NBPF12: variants seen among roughly 807,000 people sequenced by gnomAD.
NBPF12 encodes NBPF family member NBPF12.
NBPF12 carries 115 observed loss-of-function variants against 146.4 expected under a neutral mutation model. That is an observed-to-expected ratio of 0.79 (90% CI 0.68 to 0.92). NBPF12 has a LOEUF of 0.92. NBPF12 is among the 40% of genes least tolerant of loss of function. The pLI is 0.00. For synonymous variants in NBPF12, 385 were observed against 508.9 expected (o/e 0.76, Z 3.28); for missense variants, 1,205 against 1,326.8 (o/e 0.91, Z 1.43).
At chr1:146,944,038 G>C (rs1654915670) in intron 2 of NBPF12, among the ~76,000 whole-genome samples, 3 of 110,978 alleles carry the variant, frequency 2.7e-5, no homozygotes, top group Non-Finnish European at 1.8e-5. Flanking sequence ...GTGCCCTCTA[G>C]GTGTGTCCAG....
rs1421116756 is a variant in NBPF12 at position 146,954,549 on chromosome 1, C to G, written c.-184+3060C>G. 9.9e-4 allele frequency among the ~76,000 whole-genome samples: 149 copies of G among 150,444 alleles called. 1 individual carries two copies. In the Middle Eastern group the frequency reaches 0.017, roughly 17 times the overall value. The stretch of plus-strand genomic sequence containing the variant: ...AGAAGAGTTGTTATGTTTAAAGAGT[C>G]AGTTCTTCGTAAATTGATCTCCAGA... On this transcript the variant is annotated intron_variant, in intron 2 of 33. Transcript: ENST00000617844.
rs1162462110 is a variant in NBPF12 at position 146,965,791 on chromosome 1, C to CAAAAAAAAAAAAAAAAAAAAAAAAA, written c.779-668_779-644dup. On this transcript the variant is annotated intron_variant, in intron 8 of 33. Coordinates refer to ENST00000617844, the Ensembl canonical transcript of NBPF12. ...TGGGAGACAGAGCGAGACTGCATCT[C>CAAAAAAAAAAAAAAAAAAAAAAAAA]AAAAAAAAAAAAAAAAAAAAAAAAA... 6.7e-5 allele frequency among the ~76,000 whole-genome samples: 2 copies of CAAAAAAAAAAAAAAAAAAAAAAAAA among 30,054 alleles called. 1 individual carries two copies. The highest frequency in any genetic ancestry group is 1.1e-4 in the Non-Finnish European group (2 of 17,958). 19.7% of individuals were successfully genotyped at this position (30,054 alleles called of 152,430 possible). A position where few individuals can be genotyped will look rare whatever the true frequency, so the allele number is the denominator to read the frequency against.
upstream of NBPF12, among the ~76,000 whole-genome samples, chr1:146,946,574 A>G (rs1191425409): frequency 2.3e-5 from 1 of 43,772 alleles, no homozygotes; most frequent in Non-Finnish European, 4.1e-5. Context: ...TTCTTCATAT[A>G]TTTTGGACAG....
intron 31 of NBPF12, among the ~76,000 whole-genome samples, chr1:146,992,359 T>C: frequency 7.1e-6 from 1 of 140,076 alleles, no homozygotes; most frequent in African/African-American, 2.7e-5. Context: ...GTATGCTGTG[T>C]GTCCTGAGGG....
chr1:146,961,933 A>G (rs1176421670), intron 4 of NBPF12, among the ~76,000 whole-genome samples: 1 of 152,052 alleles, frequency 6.6e-6, no homozygotes, highest in Non-Finnish European at 1.5e-5. Context: ...CATCTTGTCA[A>G]CTTCCTTGAT....
At position 146,957,739 on chromosome 1, in the gene NBPF12, G is replaced by A. The variant is rs1244283529; in HGVS notation, c.-183-2120G>A. On this transcript the variant is annotated intron_variant, in intron 2 of 33. Transcript: ENST00000617844. ...CTGGGGCCGCCTGGGCTGGCAGGTG[G>A]GGGAGGCGGAGAGCTCGATGCAGGT... 2 of 133,712 alleles carry A rather than the reference G, an allele frequency of 1.5e-5. 1 individual carries two copies. The highest frequency in any genetic ancestry group is 3.3e-5 in the Non-Finnish European group (2 of 60,766). 8.3% of individuals were successfully genotyped at this position (133,712 alleles called of 1,614,324 possible).
At chr1:146,953,510 CT>C (rs1286875502) in intron 2 of NBPF12, among the ~76,000 whole-genome samples, 1 of 139,602 alleles carries the variant, frequency 7.2e-6, no homozygotes, top group Admixed American at 7.4e-5. Flanking sequence ...TGCCCGGCCT[CT>C]TTTTTATATT....
intron 1 of NBPF12, among the ~76,000 whole-genome samples, chr1:146,941,461 G>T (rs1208415346): frequency 1.0e-4 from 15 of 149,356 alleles, no homozygotes; most frequent in Non-Finnish European, 2.2e-4. Context: ...TCCTGTTTAA[G>T]AAATCAATGC....
In NBPF12 at chr1:146,971,403, T is replaced by A. The variant is rs1162755717; in HGVS notation, c.1591+9T>A. The A allele has an allele frequency of 5.5e-5, 89 of 1,606,950 alleles. 1 individual carries two copies. The highest frequency in any genetic ancestry group is 1.7e-4 in the Middle Eastern group (1 of 6,028). The stretch of plus-strand genomic sequence containing the variant: ...TCTAAACATTCTCCCAGGTAGCCTC[T>A]ATTTTCCTTGTGTCTCATACCTCTG... On this transcript the variant is annotated intron_variant, in intron 13 of 33. Transcript: ENST00000617844.
intron 14 of NBPF12, among the ~76,000 whole-genome samples, chr1:146,974,118 ACTAT>A (rs1182667642): frequency 3.3e-5 from 5 of 150,238 alleles, no homozygotes; most frequent in East Asian, 1.9e-4. Context: ...CAGAGTAAAC[ACTAT>A]CTATTAGTTC....
chr1:146,994,253 T>C, intron 33 of NBPF12, 79 bp from the exon 37 acceptor site: 1 of 1,610,362 alleles, frequency 6.2e-7, no homozygotes, highest in Non-Finnish European at 8.5e-7. Context: ...CACTTCCTTA[T>C]GTTACTTCTG....
intron 6 of NBPF12, 111 bp from the exon 10 acceptor site, chr1:146,964,246 C>G (rs1570843689): frequency 4.0e-6 from 6 of 1,503,198 alleles, no homozygotes; most frequent in Non-Finnish European, 5.5e-6. Context: ...TGAGAGTTTT[C>G]AGTACAATGC....
At chr1:146,966,520 T>G in exon 9 of NBPF12, 2 of 1,483,832 alleles carry the variant, frequency 1.3e-6, no homozygotes, top group East Asian at 4.5e-5. Context: ...AGCCGGCCCT[T>G]TGTCCAGCGA....
intron 8 of NBPF12, 93 bp from the exon 12 acceptor site, chr1:146,966,371 A>G: frequency 9.1e-7 from 1 of 1,104,700 alleles, no homozygotes; most frequent in South Asian, 1.2e-5. Flanking sequence ...GAATAAGTAC[A>G]CAAGGCTGCC....
At chr1:146,977,237 A>G (rs1291465891) in intron 17 of NBPF12, among the ~76,000 whole-genome samples, 2 of 139,454 alleles carry the variant, frequency 1.4e-5, no homozygotes, top group African/African-American at 2.8e-5. Flanking sequence ...CTCAGCTCCT[A>G]TCTGTCCAGT....
chr1:146,940,044 A>C (rs2101802243), intron 1 of NBPF12, among the ~76,000 whole-genome samples: 1 of 151,834 alleles, frequency 6.6e-6, no homozygotes, highest in Admixed American at 6.6e-5. Flanking sequence ...AGTGTTGTTC[A>C]TCCTTTCTTT....
rs587717028 is a variant in NBPF12 at position 146,994,318 on chromosome 1, G to A, written c.4131-14G>A. The A allele has an allele frequency of 4.3e-6, 7 of 1,611,112 alleles. No individual in the cohort carries two copies. Among genetic ancestry groups the A allele is most frequent in the Admixed American group, 1.7e-5 (1 of 59,948 alleles). ...TTTCCCTGGCTGCTTCTTTAGTTTT[G>A]TCTCCTTTTCCAGGCTCAACAGCGT... On this transcript the variant is annotated splice_polypyrimidine_tract_variant and intron_variant, in intron 33 of 33. Transcript: ENST00000617844.
chr1:146,973,640 T>C lies in NBPF12; in HGVS notation c.1801+680T>C, dbSNP rs1269168432. 4.0e-5 allele frequency among the ~76,000 whole-genome samples: 6 copies of C among 148,678 alleles called. No individual in the cohort carries two copies. In the South Asian group the frequency reaches 1.3e-3, roughly 32 times the overall value. On this transcript the variant is annotated intron_variant, in intron 14 of 33. Coordinates refer to ENST00000617844, the Ensembl canonical transcript of NBPF12. ...CCATCTCCACTAAAAATACAAAAAG[T>C]AGATGGGCATGGTGGCAGGTGACTG...
At chr1:146,957,886 T>G (rs1655667591) in intron 2 of NBPF12, among the ~76,000 whole-genome samples, 1 of 49,350 alleles carries the variant, frequency 2.0e-5, no homozygotes, top group Non-Finnish European at 3.2e-5. Context: ...ATATTATGTA[T>G]ATACACATAT....
Sources: gnomAD v4.1 joint callset for allele counts (sites outside exome capture counted in the v4.1 genomes callset) on GRCh38, gnomAD v4.1.1 for gene constraint, MANE v1.5 for transcripts, NCBI Gene and HGNC (gene_info 2026-07-23, HGNC 2026-07-21) for gene names.